FRMD5: variants seen among roughly 807,000 people sequenced by gnomAD.
FRMD5 encodes FERM domain-containing protein 5.
Under a neutral mutation model 69.0 loss-of-function variants are expected in FRMD5, and 20 were observed. The observed-to-expected ratio is 0.29, with a 90% CI of 0.20 to 0.42. The LOEUF is 0.42. Ranked by LOEUF, FRMD5 falls within the 10% of genes least tolerant of loss-of-function variation. The pLI, the probability that FRMD5 is intolerant of heterozygous loss-of-function variation, is 1.00. For synonymous variants in FRMD5, 271 were observed against 260.1 expected (o/e 1.04, Z -0.40); for missense variants, 595 against 708.6 (o/e 0.84, Z 1.82).
intron 1 of FRMD5, among the ~76,000 whole-genome samples, chr15:44,091,148 G>A (rs2076466726): frequency 6.6e-6 from 1 of 152,122 alleles, no homozygotes; most frequent in Non-Finnish European, 1.5e-5. Flanking sequence ...CTCTCTCAAT[G>A]AAATCTTTAG....
At chr15:43,877,936 T>A (rs1413223456) in intron 13 of FRMD5, among the ~76,000 whole-genome samples, 2 of 152,240 alleles carry the variant, frequency 1.3e-5, no homozygotes, top group Non-Finnish European at 2.9e-5. Flanking sequence ...AAACCATGAC[T>A]TTAAGCCAAA....
intron 1 of FRMD5, among the ~76,000 whole-genome samples, chr15:44,081,974 G>A (rs1333143772): frequency 1.3e-5 from 2 of 151,884 alleles, no homozygotes; most frequent in Non-Finnish European, 2.9e-5. Context: ...CCAAGAAATG[G>A]CAATTGGCTG....
At position 43,929,167 on chromosome 15, in the gene FRMD5, G is replaced by A. The variant is rs773959376; in HGVS notation, c.103-4858C>T. Among the ~76,000 whole-genome samples the A allele has an allele frequency of 7.2e-5, 11 of 152,130 alleles. 1 individual carries two copies. The highest frequency in any genetic ancestry group is 6.2e-4 in the South Asian group (3 of 4,828). On this transcript the variant is annotated intron_variant, in intron 1 of 13. Coordinates refer to ENST00000417257, the MANE Select transcript of FRMD5 (RefSeq NM_032892.5). ...TCCTATTTTTGCTCCTCCCTGGAAC[G>A]CCTGGTTCTGGTTCTCTATGGTTTG... is the stretch of plus-strand genomic sequence containing the variant.
At chr15:44,046,617 C>G (rs1332209552) in intron 1 of FRMD5, among the ~76,000 whole-genome samples, 1 of 152,192 alleles carries the variant, frequency 6.6e-6, no homozygotes, top group Non-Finnish European at 1.5e-5. Flanking sequence ...TGCTAGCTGA[C>G]TCTGACACAC....
chr15:43,879,205 G>T (rs1009882335), intron 13 of FRMD5, among the ~76,000 whole-genome samples: 2 of 152,058 alleles, frequency 1.3e-5, no homozygotes, highest in Non-Finnish European at 1.5e-5. Flanking sequence ...CCAAAGTGCT[G>T]GGATTACAGG....
intron 1 of FRMD5, among the ~76,000 whole-genome samples, chr15:43,938,082 T>C (rs1344308880): frequency 6.6e-6 from 1 of 151,796 alleles, no homozygotes; most frequent in Non-Finnish European, 1.5e-5. Flanking sequence ...ACACAAAAAA[T>C]TAGCCGGGTG....
At chr15:43,892,807 T>C (rs1410242404) in intron 7 of FRMD5, among the ~76,000 whole-genome samples, 2 of 152,180 alleles carry the variant, frequency 1.3e-5, no homozygotes, top group African/African-American at 4.8e-5. Context: ...TTGTACACTT[T>C]AAAAGGGCAC....
intron 1 of FRMD5, among the ~76,000 whole-genome samples, chr15:44,030,343 T>C (rs968519787): frequency 3.3e-5 from 5 of 152,188 alleles, no homozygotes; most frequent in Admixed American, 1.3e-4. Context: ...ACTCCATTTA[T>C]AAATCCTGAT....
intron 1 of FRMD5, among the ~76,000 whole-genome samples, chr15:43,978,587 A>G (rs1214339856): frequency 6.6e-6 from 1 of 152,118 alleles, no homozygotes; most frequent in Admixed American, 6.6e-5. Context: ...AATCAAAAAG[A>G]TTCACCCAGG....
intron 1 of FRMD5, among the ~76,000 whole-genome samples, chr15:44,021,310 T>C (rs1012101062): frequency 6.6e-6 from 1 of 152,192 alleles, no homozygotes; most frequent in African/African-American, 2.4e-5. Flanking sequence ...TTTTAGTTCA[T>C]ATAGTTTAAT....
At chr15:43,975,423 C>G (rs1190523358) in intron 1 of FRMD5, among the ~76,000 whole-genome samples, 4 of 151,992 alleles carry the variant, frequency 2.6e-5, no homozygotes, top group Non-Finnish European at 5.9e-5. Context: ...ATATTCTTGG[C>G]AAATAAAATG....
intron 1 of FRMD5, among the ~76,000 whole-genome samples, chr15:44,087,737 TATCATCATCATCATCATCATCATC>T (rs61525802): frequency 1.8e-4 from 27 of 148,176 alleles, no homozygotes; most frequent in African/African-American, 6.7e-4. Context: ...TATCAGCTGC[TATCATCATCATCATCATCATCATC>T]ATCATCATCA....
At chr15:44,047,525 T>C (rs1566918997) in intron 1 of FRMD5, among the ~76,000 whole-genome samples, 1 of 152,204 alleles carries the variant, frequency 6.6e-6, no homozygotes, top group East Asian at 1.9e-4. Flanking sequence ...ATAAATTTTA[T>C]AATACAAACA....
chr15:43,932,163 C>T (rs990962224), intron 1 of FRMD5, among the ~76,000 whole-genome samples: 1 of 152,174 alleles, frequency 6.6e-6, no homozygotes, highest in East Asian at 1.9e-4. Flanking sequence ...CTCTTGAGAC[C>T]TCTTCTTCCT....
Position 44,126,247 on chromosome 15 carries a change from C to A in FRMD5, c.102+68706G>T, listed in dbSNP as rs191911364. On this transcript the variant is annotated intron_variant, in intron 1 of 13. Coordinates refer to ENST00000417257, the MANE Select transcript of FRMD5 (RefSeq NM_032892.5). Reference sequence around the variant, plus strand: ...AAAGATTCAAGAAATATGGCTCCAACTGACAGCTTTGAAATCCAGGCACTT... The same window carrying A: ...AAAGATTCAAGAAATATGGCTCCAAATGACAGCTTTGAAATCCAGGCACTT... 3.9e-3 allele frequency among the ~76,000 whole-genome samples: 593 copies of A among 152,320 alleles called. 2 individuals are homozygous for A. Among genetic ancestry groups the A allele is most frequent in the Middle Eastern group, 0.024 (7 of 294 alleles).
chr15:44,121,273 G>T (rs2076945892), intron 1 of FRMD5, among the ~76,000 whole-genome samples: 1 of 130,618 alleles, frequency 7.7e-6, no homozygotes, highest in Non-Finnish European at 1.7e-5. Context: ...ATCTGGGGCA[G>T]GGGGGTGGGA....
At position 44,195,242 on chromosome 15, in the gene FRMD5, C is replaced by G. The variant is rs1230764366; in HGVS notation, c.-188G>C. 2 of 532,770 alleles carry G rather than the reference C, an allele frequency of 3.8e-6. No individual in the cohort carries two copies. The highest frequency in any genetic ancestry group is 2.0e-5 in the African/African-American group (1 of 48,850). 33.0% of individuals were successfully genotyped at this position (532,770 alleles called of 1,614,324 possible). ...CTCCTTCCCTCAGCCGCCACCGCCT[C>G]CCCCCAGCCCAGATCAAGCGCCGGG... is the stretch of plus-strand genomic sequence containing the variant. On this transcript the variant is annotated 5_prime_UTR_variant, in exon 1 of 14. Transcript: ENST00000417257.
intron 1 of FRMD5, among the ~76,000 whole-genome samples, chr15:43,934,262 G>A (rs1276570169): frequency 2.0e-5 from 3 of 152,178 alleles, no homozygotes; most frequent in East Asian, 1.9e-4. Flanking sequence ...GGAGGGAAGC[G>A]ATGGGAGTAA....
chr15:44,134,387 G>A (rs2077151471), intron 1 of FRMD5, among the ~76,000 whole-genome samples: 1 of 152,108 alleles, frequency 6.6e-6, no homozygotes, highest in Admixed American at 6.5e-5. Flanking sequence ...TAGAAAGTGA[G>A]GAGAATAAGG....
Sources: allele counts gnomAD v4.1 joint callset (sites outside exome capture counted in the v4.1 genomes callset), GRCh38; gene constraint gnomAD v4.1.1; transcripts MANE v1.5; gene names NCBI Gene and HGNC (gene_info 2026-07-23, HGNC 2026-07-21).